TSEN2: variants seen among roughly 807,000 people sequenced by gnomAD.
The protein encoded by TSEN2 is tRNA-splicing endonuclease subunit Sen2.
In TSEN2, 54 loss-of-function variants were observed where a neutral mutation model predicts 59.2. That is an observed-to-expected ratio of 0.91 (90% CI 0.73 to 1.14). TSEN2 has a LOEUF of 1.14. TSEN2 is among the 50% of genes most tolerant of loss of function. TSEN2 has a pLI of 0.00. For synonymous variants in TSEN2, 195 were observed against 198.2 expected, an observed-to-expected ratio of 0.98 and a Z score of 0.14; for missense variants, 636 against 576.2, an observed-to-expected ratio of 1.10 and a Z score of -1.06.
At chr3:12,516,733 A>C in intron 7 of TSEN2, 72 bp downstream of exon 7, 2 of 1,326,180 alleles carry the variant, frequency 1.5e-6, no homozygotes. Context: ...ACTAATTTCT[A>C]TATTGCATTA....
intron 8 of TSEN2, among the ~76,000 whole-genome samples, chr3:12,519,854 C>G (rs1436976204): frequency 6.6e-6 from 1 of 152,258 alleles, no homozygotes. Flanking sequence ...GTGGCCTCAT[C>G]TGCCAAGTGA....
In TSEN2 at chr3:12,532,856, G is replaced by A; in HGVS notation, c.*135G>A. ...TGCTCCCAGCACCAGAAAACTATCA[G>A]TGTTTTTAAAGATAAATTACACAAG... On this transcript the variant is annotated 3_prime_UTR_variant, in exon 12 of 12. Transcript: ENST00000284995. The A allele has an allele frequency of 1.2e-6, 1 of 828,430 alleles. No individual in the cohort carries two copies. The highest frequency in any genetic ancestry group is 2.0e-6 in the Non-Finnish European group (1 of 502,906). 51.3% of individuals were successfully genotyped at this position (828,430 alleles called of 1,614,324 possible). A position where few individuals can be genotyped will look rare whatever the true frequency, so the allele number is the denominator to read the frequency against.
chr3:12,539,208 A>G (rs774016088), exon 11 of TSEN2: 29 of 418,296 alleles, frequency 6.9e-5, no homozygotes, highest in Middle Eastern at 1.6e-3. Flanking sequence ...ATCTTGGATC[A>G]CTGCAACCTC....
chr3:12,487,712 TTA>T (rs10539028), intron 1 of TSEN2, among the ~76,000 whole-genome samples: 97,335 of 151,472 alleles, frequency 0.64, 33,830 homozygotes, highest in African/African-American at 0.91. Context: ...ATGTGATAAT[TTA>T]GTACTTGGGC....
chr3:12,517,013 A>G (rs2056191633), intron 7 of TSEN2, among the ~76,000 whole-genome samples: 1 of 152,240 alleles, frequency 6.6e-6, no homozygotes, highest in Non-Finnish European at 1.5e-5. Flanking sequence ...TAGGTACTTT[A>G]CACGCAATAT....
chr3:12,529,896 A>G (rs752166329), intron 10 of TSEN2, 23 bp downstream of exon 10: 2 of 1,610,426 alleles, frequency 1.2e-6, no homozygotes, highest in Non-Finnish European at 1.7e-6. Flanking sequence ...CAGCTTTGCC[A>G]TTGGAGTGTC....
At chr3:12,535,689 G>A (rs1385114800), downstream of TSEN2, among the ~76,000 whole-genome samples, 2 of 152,030 alleles carry the variant, frequency 1.3e-5, no homozygotes, top group African/African-American at 4.8e-5. Context: ...CCGCCACCAT[G>A]CCTGGCTAAT....
intron 7 of TSEN2, among the ~76,000 whole-genome samples, chr3:12,518,367 G>A (rs1248849431): frequency 6.6e-6 from 1 of 152,142 alleles, no homozygotes; most frequent in Non-Finnish European, 1.5e-5. Flanking sequence ...ATGTTGTCAC[G>A]AACTGTGCTC....
In TSEN2 at chr3:12,503,540, G is replaced by C; in HGVS notation, c.587G>C (p.Gly196Ala). Residue 196 changes from glycine to alanine, a missense_variant, in exon 5 of 12, where the codon GGC becomes GCC. Transcript: ENST00000284995. ...GAGCCATTAGGCTGCCTGCAGGAGG[G>C]CTCTGGCTGCCACCCAACAACAGAG... Reference protein sequence around the residue: ...PREPLGCLQEGSGCHPTTESF... With the variant: ...PREPLGCLQEASGCHPTTESF... 3 of 1,612,012 alleles carry C rather than the reference G, an allele frequency of 1.9e-6. No homozygotes were observed. The highest frequency in any genetic ancestry group is 2.5e-6 in the Non-Finnish European group (3 of 1,178,236).
At chr3:12,487,285 A>T (rs768186728) in intron 1 of TSEN2, among the ~76,000 whole-genome samples, 92 of 152,288 alleles carry the variant, frequency 6.0e-4, no homozygotes, top group Non-Finnish European at 1.0e-3. Flanking sequence ...TTGGATTATG[A>T]GGGGTGTTTT....
chr3:12,535,354 T>A (rs1266949631), downstream of TSEN2, among the ~76,000 whole-genome samples: 1 of 152,208 alleles, frequency 6.6e-6, no homozygotes, highest in Non-Finnish European at 1.5e-5. Context: ...TCTATCTAAT[T>A]TTGTGAAATA....
At chr3:12,514,148 G>T (rs1217116424) in intron 6 of TSEN2, among the ~76,000 whole-genome samples, 1 of 152,218 alleles carries the variant, frequency 6.6e-6, no homozygotes, top group African/African-American at 2.4e-5. Flanking sequence ...CAGGATGGGG[G>T]TTACTTAGAC....
At chr3:12,512,259 T>G (rs1268146910) in intron 6 of TSEN2, among the ~76,000 whole-genome samples, 1 of 152,226 alleles carries the variant, frequency 6.6e-6, no homozygotes, top group East Asian at 1.9e-4. Context: ...AATGAATATA[T>G]TTTCTGTAAA....
chr3:12,486,623 G>C (rs76143653), intron 1 of TSEN2, among the ~76,000 whole-genome samples: 2 of 152,104 alleles, frequency 1.3e-5, no homozygotes, highest in African/African-American at 2.4e-5. Context: ...TCGTATTCGC[G>C]GAGTTATGTA....
rs747087183 is a variant in TSEN2, at chr3:12,531,577, T to C, written c.1256T>C (p.Met419Thr). ...RVSVNVSKEL[M>T]LCYLIKPSTM... ...TTTTTCATTTCTCAATAGGAACTTA[T>C]GCTGTGCTATTTGATTAAACCCTCT... Residue 419 changes from methionine (M) to threonine (T), a missense_variant, in exon 11 of 12, where the codon ATG becomes ACG. Coordinates refer to ENST00000284995, the MANE Select transcript of TSEN2 (RefSeq NM_025265.4). 5.6e-6 allele frequency: 9 copies of C among 1,606,798 alleles called. No homozygotes were observed. The highest frequency in any genetic ancestry group is 6.0e-6 in the Non-Finnish European group (7 of 1,173,302).
At chr3:12,499,484 A>G (rs890766109) in intron 4 of TSEN2, among the ~76,000 whole-genome samples, 4 of 152,234 alleles carry the variant, frequency 2.6e-5, no homozygotes, top group Non-Finnish European at 5.9e-5. Context: ...ATTATAGCCA[A>G]CAGGTGCTGA....
intron 7 of TSEN2, among the ~76,000 whole-genome samples, chr3:12,518,595 G>T (rs1211981256): frequency 6.6e-6 from 1 of 152,134 alleles, no homozygotes; most frequent in Non-Finnish European, 1.5e-5. Context: ...AGATTTTCTG[G>T]TAACCACATT....
intron 10 of TSEN2, chr3:12,530,640 A>ATGAC: frequency 2.0e-6 from 2 of 985,404 alleles, no homozygotes; most frequent in Non-Finnish European, 2.4e-6. Context: ...AGGGCTAGAG[A>ATGAC]TGACTGCCCT....
chr3:12,480,528 G>GTTTTTTTTTTTTTT (rs752340308), upstream of TSEN2, among the ~76,000 whole-genome samples: 93 of 91,740 alleles, frequency 1.0e-3, 2 homozygotes, highest in Middle Eastern at 8.3e-3. Flanking sequence ...TTGTTTCTTT[G>GTTTTTTTTTTTTTT]TTTTTTTTTT....
Sources: gnomAD v4.1 joint callset for allele counts (sites outside exome capture counted in the v4.1 genomes callset) on GRCh38, gnomAD v4.1.1 for gene constraint, MANE v1.5 for transcripts, NCBI Gene and HGNC (gene_info 2026-07-23, HGNC 2026-07-21) for gene names.